The following AP4B1 variants were observed in gnomAD, a reference collection of about 807,000 sequenced individuals.
AP4B1 encodes the protein AP-4 complex subunit beta-1.
Under a neutral mutation model 76.5 loss-of-function variants are expected in AP4B1, and 49 were observed. That is an observed-to-expected ratio of 0.64 (90% confidence interval 0.51 to 0.81). The LOEUF is 0.81. Among genes scored for constraint, AP4B1 ranks in the 40% least tolerant of loss-of-function variants. The pLI is 0.00. For missense variants in AP4B1, 911 were observed against 904.9 expected, an observed-to-expected ratio of 1.01 and a Z score of -0.09; for synonymous variants, 330 against 333.3, an observed-to-expected ratio of 0.99 and a Z score of 0.11.
chr1:113,896,605 T>G, intron 7 of AP4B1, 140 bp from the exon 8 acceptor site: 1 of 761,040 alleles, frequency 1.3e-6, no homozygotes, highest in Non-Finnish European at 2.3e-6. Flanking sequence ...TTTAATTTAC[T>G]GATTCCCCGT....
chr1:113,904,958 G>A, upstream of AP4B1: 1 of 496,976 alleles, frequency 2.0e-6, no homozygotes, highest in Non-Finnish European at 3.7e-6. Flanking sequence ...CCGGCAGGCC[G>A]TTCGCCCCGC....
intron 7 of AP4B1, 108 bp downstream of exon 7, chr1:113,897,726 TCGAAGA>T: frequency 2.7e-6 from 3 of 1,113,318 alleles, no homozygotes; most frequent in Middle Eastern, 4.2e-4. Flanking sequence ...GGCAATCAAT[TCGAAGA>T]GTGCCCACTT....
intron 2 of AP4B1, 25 bp from the exon 3 acceptor site, chr1:113,901,910 C>T (rs752946860): frequency 6.2e-7 from 1 of 1,613,876 alleles, no homozygotes; most frequent in Non-Finnish European, 8.5e-7. Context: ...CTGGAGTTAG[C>T]CAGATTCTGA....
chr1:113,904,730 C>CA lies in AP4B1; in HGVS notation c.-14dup. ...CAAGGTACGGCATCTTCCTAAGAGT[C>CA]ACAGGGCAGCTCCCACAGCTCCCAC... On this transcript the variant is annotated 5_prime_UTR_variant, in exon 1 of 10. Transcript: ENST00000369569. 6.2e-7 allele frequency: 1 copy of CA among 1,609,452 alleles called. No individual in the cohort carries two copies. The highest frequency in any genetic ancestry group is 8.5e-7 in the Non-Finnish European group (1 of 1,177,496).
intron 5 of AP4B1, chr1:113,899,410 T>C: frequency 1.1e-6 from 1 of 932,118 alleles, no homozygotes; most frequent in Non-Finnish European, 1.3e-6. Context: ...ACATAGCCCA[T>C]AGCAGAAGCT....
chr1:113,896,572 GGT>G (rs1667500521), intron 7 of AP4B1, 107 bp from the exon 8 acceptor site: 1 of 1,008,604 alleles, frequency 9.9e-7, no homozygotes, highest in Non-Finnish European at 1.6e-6. Context: ...CAGCAGAAAA[GGT>G]GTAATCTTTA....
intron 5 of AP4B1, chr1:113,899,236 T>G: frequency 9.8e-7 from 1 of 1,020,662 alleles, no homozygotes; most frequent in Middle Eastern, 5.0e-4. Flanking sequence ...TTATTCCAAA[T>G]ATGAGGGTTG....
At chr1:113,898,495 A>G (rs775716244) in intron 6 of AP4B1, among the ~76,000 whole-genome samples, 1 of 152,232 alleles carries the variant, frequency 6.6e-6, no homozygotes, top group African/African-American at 2.4e-5. Context: ...TCATCCTAGT[A>G]GCCTTCATTA....
Position 113,894,374 on chromosome 1 carries a change from G to A in AP4B1, c.*691C>T, listed in dbSNP as rs924043654. Among the ~76,000 whole-genome samples the A allele has an allele frequency of 1.3e-5, 2 of 152,168 alleles. No individual in the cohort carries two copies. The highest frequency in any genetic ancestry group is 2.4e-5 in the African/African-American group (1 of 41,430). On this transcript the variant is annotated 3_prime_UTR_variant, in exon 10 of 10. Transcript: ENST00000369569. Reference sequence around the variant, plus strand: ...AGCTTGAGGGAGGCCCCTAATGAAGGCAGTGAGGGTTAAAGGAAACTTCCT... The same window carrying A: ...AGCTTGAGGGAGGCCCCTAATGAAGACAGTGAGGGTTAAAGGAAACTTCCT...
upstream of AP4B1, chr1:113,904,815 C>G: frequency 9.4e-7 from 1 of 1,061,696 alleles, no homozygotes; most frequent in Non-Finnish European, 1.5e-6. Context: ...AAATATGAGT[C>G]AGTGAAAATA....
chr1:113,901,986 A>G (rs1668331070), intron 2 of AP4B1, 101 bp from the exon 3 acceptor site: 1 of 1,404,762 alleles, frequency 7.1e-7, no homozygotes, highest in East Asian at 2.3e-5. Flanking sequence ...TGCTGCACCC[A>G]TCAGATCATG....
chr1:113,897,846 A>C lies in AP4B1; in HGVS notation c.1296T>G (p.Asp432Glu). The C allele has an allele frequency of 6.2e-7, 1 of 1,614,066 alleles. No individual in the cohort carries two copies. ...AAGGAGAATTACAGTCTACCTCACT[A>C]TCTTGAATGTTCTCTTCACAGCCGG... ...ALPGCEENIQDSEGKQALIWL... is the reference protein window; with the variant it reads ...ALPGCEENIQESEGKQALIWL... The change falls in exon 7 of 10, where the codon GAT becomes GAG. Residue 432 changes from aspartate to glutamate, a missense_variant. Transcript: ENST00000369569.
rs765552618 is a variant in AP4B1 at position 113,895,517 on chromosome 1, G to GA, written c.1793-26dup. ...CCTAAAAGAGACAGAAAACTTGTGT[G>GA]AAAGATGTTCTTAATCTGTAGGAGC... On this transcript the variant is annotated intron_variant, in intron 9 of 9. Coordinates refer to ENST00000369569, the MANE Select transcript of AP4B1 (RefSeq NM_001253852.3). 6 of 1,613,346 alleles carry GA rather than the reference G, an allele frequency of 3.7e-6. No individual in the cohort carries two copies. The African/African-American group carries it at 8.0e-5, about 22-fold the overall frequency.
chr1:113,904,628 C>A lies in AP4B1; in HGVS notation c.90G>T (p.Arg30=). Residue 30 remains arginine (R), a synonymous_variant, in exon 1 of 10, where the codon CGG becomes CGT. Coordinates refer to ENST00000369569, the MANE Select transcript of AP4B1 (RefSeq NM_001253852.3). ...ACCTAATCACTCGCTGGATGACATT[C>A]CGGTAGCGCAGCCTATCAGCTTGAA... ...PHIQADRLRY[R]NVIQRVIRYM... 2 of 1,613,884 alleles carry A rather than the reference C, an allele frequency of 1.2e-6. No homozygotes were observed. The highest frequency in any genetic ancestry group is 1.7e-4 in the Middle Eastern group (1 of 5,892).
chr1:113,902,777 A>C lies in AP4B1; in HGVS notation c.199T>G (p.Leu67Val). 1 of 1,614,164 alleles carries C rather than the reference A, an allele frequency of 6.2e-7. No individual in the cohort carries two copies. Among genetic ancestry groups the C allele is most frequent in the South Asian group, 1.1e-5 (1 of 91,080 alleles). Residue 67 changes from leucine (L) to valine (V), a missense_variant, in exon 2 of 10, where the codon TTG becomes GTG. By Grantham distance (32) the Leu-to-Val change is conservative. Transcript: ENST00000369569. ...SATVDIVQKK[L>V]VYLYMCTYAP... ...TATGTGCACATGTACAGATAAACCA[A>C]CTTCTTCTGGACAATATCTACAGTG...
intron 2 of AP4B1, 56 bp from the exon 3 acceptor site, chr1:113,901,941 T>C (rs1245464488): frequency 3.1e-6 from 5 of 1,609,716 alleles, no homozygotes; most frequent in Non-Finnish European, 8.5e-7. Flanking sequence ...TTGACATACC[T>C]CAGCCCCTGT....
intron 7 of AP4B1, 147 bp downstream of exon 7, chr1:113,897,693 A>G (rs1571544721): frequency 1.3e-6 from 1 of 783,914 alleles, no homozygotes; most frequent in Non-Finnish European, 2.1e-6. Context: ...TATGCCATCT[A>G]TATCCAAAAG....
In AP4B1 at chr1:113,896,291, C is replaced by T; in HGVS notation, c.1477G>A (p.Asp493Asn). 2 of 1,614,216 alleles carry T rather than the reference C, an allele frequency of 1.2e-6. No individual in the cohort carries two copies. Among genetic ancestry groups the T allele is most frequent in the Non-Finnish European group, 1.7e-6 (2 of 1,180,042 alleles). The stretch of plus-strand genomic sequence containing the variant: ...TAATACAACAAACGTCCTAGCATGT[C>T]CTGGCACTCAGCAGGTCGGGAGAGG... Reference protein sequence around the residue: ...LFLSRPAECQDMLGRLLYYCI... With the variant: ...LFLSRPAECQNMLGRLLYYCI... Residue 493 changes from aspartate (D) to asparagine (N), a missense_variant, in exon 8 of 10, where the codon GAC (aspartate) becomes AAC (asparagine). By Grantham distance (23) the Asp-to-Asn change is conservative (BLOSUM62 1). Transcript: ENST00000369569.
intron 9 of AP4B1, 51 bp downstream of exon 9, chr1:113,895,706 G>T (rs374168001): frequency 2.5e-6 from 4 of 1,609,094 alleles, no homozygotes; most frequent in Non-Finnish European, 3.4e-6. Context: ...ACCAATCATT[G>T]AAAAGGTAAA....
Sources: allele counts gnomAD v4.1 joint callset (sites outside exome capture counted in the v4.1 genomes callset), GRCh38; gene constraint gnomAD v4.1.1; transcripts MANE v1.5; gene names NCBI Gene and HGNC (gene_info 2026-07-23, HGNC 2026-07-21).